ADAMTSL2: variants seen among roughly 807,000 people sequenced by gnomAD.
The protein encoded by ADAMTSL2 is ADAMTS like 2, also known as ADAMTS-like protein 2.
Under a neutral mutation model 117.0 loss-of-function variants are expected in ADAMTSL2, and 55 were observed. The observed-to-expected ratio is 0.47, with a 90% CI of 0.38 to 0.59. ADAMTSL2 has a LOEUF of 0.59. ADAMTSL2 is among the 20% of genes least tolerant of loss of function. The pLI, the probability that ADAMTSL2 is intolerant of heterozygous loss-of-function variation, is 0.00. For synonymous variants in ADAMTSL2, 572 were observed against 566.4 expected (o/e 1.01, Z -0.14); for missense variants, 1,182 against 1,354.5 (o/e 0.87, Z 2.00).
At chr9:133,551,218 G>C (rs1322296439) in intron 9 of ADAMTSL2, among the ~76,000 whole-genome samples, 1 of 152,096 alleles carries the variant, frequency 6.6e-6, no homozygotes, top group East Asian at 1.9e-4. Context: ...CCCACTTTCA[G>C]CTTGCACCCT....
Position 133,568,594 on chromosome 9 carries a change from C to T in ADAMTSL2, c.2089-9C>T. On this transcript the variant is annotated splice_polypyrimidine_tract_variant and intron_variant, in intron 14 of 18. Transcript: ENST00000651351. Reference sequence around the variant, plus strand: ...ACACCCCCCCTGCCCCCTCCCCCTGCCGCCCCAGTGCACTGCCAAGTGTGG... The same window carrying T: ...ACACCCCCCCTGCCCCCTCCCCCTGTCGCCCCAGTGCACTGCCAAGTGTGG... 1.9e-6 allele frequency: 3 copies of T among 1,579,984 alleles called. No individual in the cohort carries two copies. Among genetic ancestry groups the T allele is most frequent in the Non-Finnish European group, 2.6e-6 (3 of 1,163,544 alleles).
At position 133,568,399 on chromosome 9, in the gene ADAMTSL2, GGCAGCCGAGGCCGTGCGGCCCGAGGAAC is replaced by G. The variant is rs1831025747; in HGVS notation, c.2005_2032del (p.Ala669ArgfsTer30). ...GCTCCGTGTACAGCGACCTGTGCGA[GGCAGCCGAGGCCGTGCGGCCCGAGGAAC>G]GCAAGACCTGCCGGAACCCCGCCTG... On this transcript the variant is annotated frameshift_variant, in exon 14 of 19. Transcript: ENST00000651351. LOFTEE classifies it high-confidence loss of function. 6.2e-7 allele frequency: 1 copy of G among 1,607,676 alleles called. No individual in the cohort carries two copies. The highest frequency in any genetic ancestry group is 8.5e-7 in the Non-Finnish European group (1 of 1,177,992).
chr9:133,547,678 CCA>C (rs1469257541), intron 9 of ADAMTSL2, among the ~76,000 whole-genome samples: 30 of 152,208 alleles, frequency 2.0e-4, no homozygotes, highest in Non-Finnish European at 2.9e-5. Flanking sequence ...CCTCCCTACC[CCA>C]CGGTGGAGGG....
Position 133,540,870 on chromosome 9 carries a change from T to C in ADAMTSL2, c.559-8T>C. 1 of 1,613,296 alleles carries C rather than the reference T, an allele frequency of 6.2e-7. No homozygotes were observed. Among genetic ancestry groups the C allele is most frequent in the Non-Finnish European group, 8.5e-7 (1 of 1,179,982 alleles). On this transcript the variant is annotated splice_polypyrimidine_tract_variant and splice_region_variant and intron_variant, in intron 6 of 18. Coordinates refer to ENST00000651351, the MANE Select transcript of ADAMTSL2 (RefSeq NM_014694.4). The stretch of plus-strand genomic sequence containing the variant: ...TCCCAGCAGCCCTCTCCCTCTCCCT[T>C]CCTGCAGCCCATCGGCTGTGACGGG...
intron 1 of ADAMTSL2, among the ~76,000 whole-genome samples, chr9:133,536,278 G>A (rs1830048890): frequency 6.6e-6 from 1 of 152,244 alleles, no homozygotes; most frequent in Admixed American, 6.5e-5. Context: ...CCAAGGCGCT[G>A]GACTGAGCCC....
chr9:133,568,514 G>T (rs1831029606), intron 14 of ADAMTSL2, 28 bp downstream of exon 14: 3 of 1,582,378 alleles, frequency 1.9e-6, no homozygotes, highest in Admixed American at 1.8e-5. Context: ...CAAGCCGGGG[G>T]TCGGGAAGAG....
At chr9:133,538,577 G>A (rs1295502120) in intron 4 of ADAMTSL2, among the ~76,000 whole-genome samples, 153 bp downstream of exon 4, 8 of 152,192 alleles carry the variant, frequency 5.3e-5, no homozygotes, top group Non-Finnish European at 1.0e-4. Context: ...AGAAGGCTGC[G>A]GGGGGCCCTG....
At chr9:133,568,518 G>A in intron 14 of ADAMTSL2, 32 bp downstream of exon 14, 1 of 1,578,984 alleles carries the variant, frequency 6.3e-7, no homozygotes, top group South Asian at 1.2e-5. Flanking sequence ...CCGGGGGTCG[G>A]GAAGAGCTGG....
intron 12 of ADAMTSL2, 87 bp from the exon 13 acceptor site, chr9:133,566,849 A>C (rs1830985135): frequency 6.6e-7 from 1 of 1,524,330 alleles, no homozygotes; most frequent in African/African-American, 1.4e-5. Context: ...CTGAGAGGTC[A>C]GGTGACTTGC....
At chr9:133,574,638 G>A in intron 18 of ADAMTSL2, 108 bp from the exon 19 acceptor site, 4 of 882,896 alleles carry the variant, frequency 4.5e-6, no homozygotes, top group Non-Finnish European at 7.8e-6. Flanking sequence ...CCCACCACGG[G>A]GTGGGAGGCC....
intron 7 of ADAMTSL2, among the ~76,000 whole-genome samples, chr9:133,542,783 G>A (rs996493171): frequency 6.6e-6 from 1 of 152,200 alleles, no homozygotes; most frequent in African/African-American, 2.4e-5. Flanking sequence ...TTCCCCGGAC[G>A]AACTGTGCTT....
In ADAMTSL2 at chr9:133,570,498, C is replaced by T; in HGVS notation, c.2583C>T (p.Pro861=). The change falls in exon 17 of 19, where the codon CCC becomes CCT. Residue 861 remains proline (P), a synonymous_variant. Transcript: ENST00000651351. ...CCTGCTTCAAGTGGTACACCAGCCCCTGGTCAGAGGTGAGCTCCCAGCCGG... is the reference window on the plus strand; with the variant it reads ...CCTGCTTCAAGTGGTACACCAGCCCTTGGTCAGAGGTGAGCTCCCAGCCGG... ...ERPCFKWYTS[P]WSECTKTCGV... 4 of 1,611,650 alleles carry T rather than the reference C, an allele frequency of 2.5e-6. No individual in the cohort carries two copies. Among genetic ancestry groups the T allele is most frequent in the Non-Finnish European group, 3.4e-6 (4 of 1,179,476 alleles).
chr9:133,559,393 G>A (rs1191965831), intron 11 of ADAMTSL2, among the ~76,000 whole-genome samples: 19 of 147,328 alleles, frequency 1.3e-4, no homozygotes, highest in African/African-American at 4.8e-4. Context: ...TGTTGCTCAG[G>A]AGTGCAGTGG....
At position 133,574,940 on chromosome 9, in the gene ADAMTSL2, C is replaced by G; in HGVS notation, c.*76C>G. 2 of 1,171,860 alleles carry G rather than the reference C, an allele frequency of 1.7e-6. No homozygotes were observed. Among genetic ancestry groups the G allele is most frequent in the South Asian group, 2.4e-5 (2 of 81,788 alleles). 72.6% of individuals were successfully genotyped at this position (1,171,860 alleles called of 1,614,324 possible). A position where few individuals can be genotyped will look rare whatever the true frequency, so the allele number is the denominator to read the frequency against. The stretch of plus-strand genomic sequence containing the variant: ...GCTGCTGCAGCTTCTGGGGCCTCCA[C>G]AGACCCCCCTCCTGCGGGGCACGCT... On this transcript the variant is annotated 3_prime_UTR_variant, in exon 19 of 19. Transcript: ENST00000651351.
In ADAMTSL2 at chr9:133,536,634, G is replaced by A; in HGVS notation, c.-79G>A. The A allele has an allele frequency of 1.2e-6, 2 of 1,613,858 alleles. No homozygotes were observed. Among genetic ancestry groups the A allele is most frequent in the South Asian group, 2.2e-5 (2 of 91,076 alleles). ...CCTGGGCACTGGCTGGGCCCCGAGG[G>A]CTCTTCCCAAAGCGTACCCTGGTCA... On this transcript the variant is annotated 5_prime_UTR_variant, in exon 2 of 19. Transcript: ENST00000651351.
rs2131137592 is a variant in ADAMTSL2, at chr9:133,554,278, A to T, written c.940-79A>T. 1 of 1,316,812 alleles carries T rather than the reference A, an allele frequency of 7.6e-7. No homozygotes were observed. Among genetic ancestry groups the T allele is most frequent in the East Asian group, 2.5e-5 (1 of 39,402 alleles). 81.6% of individuals were successfully genotyped at this position (1,316,812 alleles called of 1,614,324 possible). A position where few individuals can be genotyped will look rare whatever the true frequency, so the allele number is the denominator to read the frequency against. ...AGTCACAGCAGGGAACGCACCCTGC[A>T]GCTCTGTGGGAAGGGGATTGGTGGG... On this transcript the variant is annotated intron_variant, in intron 9 of 18. Transcript: ENST00000651351. This position sits in a 1 kb window ranked among gnomAD's most constrained non-coding sequence, Gnocchi z 5.2.
chr9:133,539,355 C>T lies in ADAMTSL2; in HGVS notation c.310-416C>T, dbSNP rs138015709. 1.6e-4 allele frequency among the ~76,000 whole-genome samples: 25 copies of T among 152,320 alleles called. No individual in the cohort carries two copies. In the East Asian group the frequency reaches 1.7e-3, roughly 11 times the overall value. Reference sequence around the variant, plus strand: ...TCAGGACCACGATCTTCCTGATTTACGCAGTGTGCATGGCCACGGACCGTG... The same window carrying T: ...TCAGGACCACGATCTTCCTGATTTATGCAGTGTGCATGGCCACGGACCGTG... On this transcript the variant is annotated intron_variant, in intron 4 of 18. Coordinates refer to ENST00000651351, the MANE Select transcript of ADAMTSL2 (RefSeq NM_014694.4).
intron 1 of ADAMTSL2, among the ~76,000 whole-genome samples, chr9:133,536,053 C>T (rs1030143865): frequency 6.6e-5 from 10 of 152,188 alleles, no homozygotes; most frequent in Non-Finnish European, 1.0e-4. Flanking sequence ...CTCCGGGGAT[C>T]GGGAGGCGGC....
chr9:133,553,287 G>A (rs1830528907), intron 9 of ADAMTSL2, among the ~76,000 whole-genome samples: 1 of 152,066 alleles, frequency 6.6e-6, no homozygotes, highest in African/African-American at 2.4e-5. Context: ...TCTCTGTCCT[G>A]GGCATAGCAG....
Sources: gnomAD v4.1 joint callset for allele counts (sites outside exome capture counted in the v4.1 genomes callset) on GRCh38, gnomAD v4.1.1 for gene constraint, Gnocchi (gnomAD v3.1) non-coding constraint, MANE v1.5 for transcripts, NCBI Gene and HGNC (gene_info 2026-07-23, HGNC 2026-07-21) for gene names.